Variants in PPARGC1A observed in about 807,000 individuals in gnomAD.
PPARGC1A encodes the protein peroxisome proliferator-activated receptor gamma coactivator 1-alpha.
PPARGC1A carries 25 observed loss-of-function variants against 88.7 expected under a neutral mutation model. That is an observed-to-expected ratio of 0.28 (90% CI 0.21 to 0.39). The LOEUF (loss-of-function observed/expected upper bound fraction) is 0.39, where lower values mean the gene tolerates loss of function less well. Ranked by LOEUF, PPARGC1A falls within the 10% of genes least tolerant of loss-of-function variation. PPARGC1A has a pLI of 1.00. For synonymous variants in PPARGC1A, 363 were observed against 355.6 expected (o/e 1.02, Z -0.24); for missense variants, 880 against 968.7 (o/e 0.91, Z 1.22).
At chr4:24,119,254 G>T in the PPARGC1A span, among the ~76,000 whole-genome samples, 1 of 152,018 alleles carries the variant, frequency 6.6e-6, no homozygotes, top group Non-Finnish European at 1.5e-5. Flanking sequence ...AAAACCTCTC[G>T]ATCTAAGCAC....
At chr4:23,858,187 A>G (rs1211651147) in intron 2 of PPARGC1A, among the ~76,000 whole-genome samples, 1 of 151,814 alleles carries the variant, frequency 6.6e-6, no homozygotes, top group East Asian at 1.9e-4. Context: ...CAAAATGCAT[A>G]CCCCCTCTAT....
intron 2 of PPARGC1A, chr4:23,865,974 C>G (rs1342381103): frequency 6.6e-6 from 1 of 152,168 alleles, no homozygotes; most frequent in African/African-American, 2.4e-5. Context: ...CACACACGCA[C>G]ACATGTACAT....
At chr4:24,332,968 G>T in the PPARGC1A span, among the ~76,000 whole-genome samples, 1 of 152,194 alleles carries the variant, frequency 6.6e-6, no homozygotes, top group Admixed American at 6.5e-5. Context: ...GAGGCCAGGC[G>T]TTGTGGCTCA....
At chr4:23,853,169 T>A (rs182119107) in intron 2 of PPARGC1A, among the ~76,000 whole-genome samples, 3 of 152,138 alleles carry the variant, frequency 2.0e-5, no homozygotes, top group East Asian at 3.9e-4. Context: ...ACAATCAAAA[T>A]TTTTAAATAC....
At chr4:23,909,404 C>A in the PPARGC1A span, among the ~76,000 whole-genome samples, 3 of 152,076 alleles carry the variant, frequency 2.0e-5, no homozygotes, top group Non-Finnish European at 4.4e-5. Context: ...ACTGGCGAAA[C>A]CTGCGTGGAT....
At chr4:23,946,477 C>T in the PPARGC1A span, among the ~76,000 whole-genome samples, 3 of 152,026 alleles carry the variant, frequency 2.0e-5, no homozygotes, top group South Asian at 6.2e-4. Context: ...AGAATGGCCT[C>T]GCGCTGCTAC....
chr4:24,339,237 T>TACACAC, the PPARGC1A span, among the ~76,000 whole-genome samples: 388 of 104,290 alleles, frequency 3.7e-3, 1 homozygote, highest in African/African-American at 4.6e-3. Context: ...TATATATATA[T>TACACAC]ACACACACAC....
chr4:24,221,028 A>G, the PPARGC1A span, among the ~76,000 whole-genome samples: 1 of 152,284 alleles, frequency 6.6e-6, no homozygotes, highest in East Asian at 1.9e-4. Flanking sequence ...CACAAAAGAA[A>G]CTGTAACATT....
At chr4:23,967,162 C>T in the PPARGC1A span, among the ~76,000 whole-genome samples, 1 of 152,082 alleles carries the variant, frequency 6.6e-6, no homozygotes, top group Non-Finnish European at 1.5e-5. Flanking sequence ...AATATCATTA[C>T]CCACATCGAT....
chr4:24,349,417 C>T, the PPARGC1A span, among the ~76,000 whole-genome samples: 153 of 152,260 alleles, frequency 1.0e-3, no homozygotes, highest in African/African-American at 3.5e-3. Context: ...GAAGGGCCAT[C>T]AGGTGGGGGC....
the PPARGC1A span, among the ~76,000 whole-genome samples, chr4:24,468,643 A>G: frequency 6.6e-6 from 1 of 152,190 alleles, no homozygotes; most frequent in Admixed American, 6.5e-5. Flanking sequence ...AACAAGTAAA[A>G]ACCTGGTCAG....
chr4:24,405,229 A>G, the PPARGC1A span, among the ~76,000 whole-genome samples: 2 of 152,206 alleles, frequency 1.3e-5, no homozygotes, highest in African/African-American at 2.4e-5. Context: ...TTAAATGCAA[A>G]ATGTCACACA....
chr4:24,100,917 A>C, the PPARGC1A span, among the ~76,000 whole-genome samples: 165 of 152,332 alleles, frequency 1.1e-3, no homozygotes, highest in African/African-American at 3.7e-3. Flanking sequence ...ACAACAAATA[A>C]ACTACAATTT....
chr4:24,470,523 C>T, the PPARGC1A span, among the ~76,000 whole-genome samples: 1 of 152,100 alleles, frequency 6.6e-6, no homozygotes, highest in Non-Finnish European at 1.5e-5. The surrounding 1 kb of genome is among the most constrained non-coding windows in gnomAD (Gnocchi z 5.8). Context: ...CTCCGGGCCC[C>T]GATCGTGCTT....
chr4:24,350,413 A>G, the PPARGC1A span, among the ~76,000 whole-genome samples: 1 of 152,228 alleles, frequency 6.6e-6, no homozygotes, highest in Non-Finnish European at 1.5e-5. Flanking sequence ...TCCAAATGGT[A>G]TGCAGATTTC....
At chr4:23,838,428 A>C (rs1174809921) in intron 2 of PPARGC1A, among the ~76,000 whole-genome samples, 1 of 152,198 alleles carries the variant, frequency 6.6e-6, no homozygotes, top group African/African-American at 2.4e-5. Flanking sequence ...TTTGTTTGTC[A>C]TATGAAATAC....
At chr4:24,204,846 C>T in the PPARGC1A span, among the ~76,000 whole-genome samples, 2 of 152,126 alleles carry the variant, frequency 1.3e-5, no homozygotes, top group South Asian at 2.1e-4. Context: ...TTGTTTGAGA[C>T]GGGGTCTCAC....
chr4:23,835,515 T>C (rs1375593545), intron 2 of PPARGC1A, among the ~76,000 whole-genome samples: 1 of 149,736 alleles, frequency 6.7e-6, no homozygotes, highest in East Asian at 2.0e-4. Context: ...TGTTGGAGTA[T>C]GTGGGTAGTA....
At chr4:24,328,080 A>G in the PPARGC1A span, among the ~76,000 whole-genome samples, 1 of 151,962 alleles carries the variant, frequency 6.6e-6, no homozygotes, top group Non-Finnish European at 1.5e-5. Flanking sequence ...AAATCCTATA[A>G]AACGGCCCCA....
Sources: gnomAD v4.1 joint callset for allele counts (sites outside exome capture counted in the v4.1 genomes callset) on GRCh38, gnomAD v4.1.1 for gene constraint, Gnocchi (gnomAD v3.1) non-coding constraint, MANE v1.5 for transcripts, NCBI Gene and HGNC (gene_info 2026-07-23, HGNC 2026-07-21) for gene names.